KIRREL3: variants seen among roughly 807,000 people sequenced by gnomAD.
KIRREL3 encodes kin of IRRE-like protein 3.
In KIRREL3, 36 loss-of-function variants were observed where a neutral mutation model predicts 89.7. That is an observed-to-expected ratio of 0.40 (90% confidence interval 0.31 to 0.53). KIRREL3 has a LOEUF of 0.53. Among genes scored for constraint, KIRREL3 ranks in the 20% least tolerant of loss-of-function variants. KIRREL3 has a pLI of 0.49. For missense variants in KIRREL3, 864 were observed against 1,056.6 expected (o/e 0.82, Z 2.53); for synonymous variants, 445 against 441.4 (o/e 1.01, Z -0.10).
Position 126,912,790 on chromosome 11 carries a change from T to G in KIRREL3, c.55+87665A>C, listed in dbSNP as rs1592340253. Among the ~76,000 whole-genome samples the G allele has an allele frequency of 6.6e-6, 1 of 152,214 alleles. No homozygotes were observed. The highest frequency in any genetic ancestry group is 2.4e-5 in the African/African-American group (1 of 41,460). On this transcript the variant is annotated intron_variant, in intron 1 of 16. Transcript: ENST00000525144. This position sits in a 1 kb window ranked among gnomAD's most constrained non-coding sequence, Gnocchi z 4.7. ...ATTCCTGCTGGCATGGCAGGTGAAGTATAGCGAAGAGGAACTTGGCGTGAT... is the reference window on the plus strand; with the variant it reads ...ATTCCTGCTGGCATGGCAGGTGAAGGATAGCGAAGAGGAACTTGGCGTGAT...
chr11:126,640,743 G>C lies in KIRREL3; in HGVS notation c.56-77831C>G, dbSNP rs2134927400. Among the ~76,000 whole-genome samples the C allele has an allele frequency of 6.6e-6, 1 of 152,216 alleles. No homozygotes were observed. Among genetic ancestry groups the C allele is most frequent in the African/African-American group, 2.4e-5 (1 of 41,524 alleles). ...GAAGACTATGCCTAACTCTGTATGA[G>C]GGGTCGCTCAGAATGGAGGCATGCA... On this transcript the variant is annotated intron_variant, in intron 1 of 16. Coordinates refer to ENST00000525144, the MANE Select transcript of KIRREL3 (RefSeq NM_032531.4). This position sits in a 1 kb window ranked among gnomAD's most constrained non-coding sequence, Gnocchi z 4.9.
chr11:126,612,286 T>C lies in KIRREL3; in HGVS notation c.56-49374A>G, dbSNP rs666230. On this transcript the variant is annotated intron_variant, in intron 1 of 16. Coordinates refer to ENST00000525144, the MANE Select transcript of KIRREL3 (RefSeq NM_032531.4). The surrounding 1 kb of genome is among the most constrained non-coding windows in gnomAD (Gnocchi z 4.5). ...GTATTATATGGACACCCTTGGCATA[T>C]AATAAATGCTCCCTCAGAATTTGAG... Among the ~76,000 whole-genome samples, 1 of 150,386 alleles carries C rather than the reference T, an allele frequency of 6.6e-6. No homozygotes were observed. Among genetic ancestry groups the C allele is most frequent in the Non-Finnish European group, 1.5e-5 (1 of 67,504 alleles).
rs1949835546 is a variant in KIRREL3, at chr11:126,766,699, C to G, written c.56-203787G>C. ...CTTTGATAATCTCAATAGGCACTTA[C>G]AGAATTGACTTTTCTGCCTTGGCCT... On this transcript the variant is annotated intron_variant, in intron 1 of 16. Transcript: ENST00000525144. This position sits in a 1 kb window ranked among gnomAD's most constrained non-coding sequence, Gnocchi z 4.2. Among the ~76,000 whole-genome samples the G allele has an allele frequency of 6.6e-6, 1 of 152,170 alleles. No individual in the cohort carries two copies. The highest frequency in any genetic ancestry group is 1.5e-5 in the Non-Finnish European group (1 of 68,032).
intron 1 of KIRREL3, among the ~76,000 whole-genome samples, chr11:126,785,137 T>C (rs115383921): frequency 0.036 from 5,497 of 152,200 alleles, 315 homozygotes; most frequent in African/African-American, 0.12. Flanking sequence ...GGCAAGGGAA[T>C]GTGGCTGGTG....
chr11:126,930,294 T>C (rs1170700394), intron 1 of KIRREL3, among the ~76,000 whole-genome samples: 1 of 152,134 alleles, frequency 6.6e-6, no homozygotes, highest in African/African-American at 2.4e-5. Flanking sequence ...ACTTGGGAAG[T>C]TCATGAATGA....
rs1242054455 is a variant in KIRREL3 at position 126,677,081 on chromosome 11, T to C, written c.56-114169A>G. The stretch of plus-strand genomic sequence containing the variant: ...TTTTTTTTTAACAGCTGTATTGAGA[T>C]ACAGTTCACATATGGCCCACTTAAA... On this transcript the variant is annotated intron_variant, in intron 1 of 16. Transcript: ENST00000525144. This position sits in a 1 kb window ranked among gnomAD's most constrained non-coding sequence, Gnocchi z 5.1. Among the ~76,000 whole-genome samples, 2 of 152,054 alleles carry C rather than the reference T, an allele frequency of 1.3e-5. No homozygotes were observed. Among genetic ancestry groups the C allele is most frequent in the African/African-American group, 4.8e-5 (2 of 41,400 alleles).
chr11:126,611,125 G>A lies in KIRREL3; in HGVS notation c.56-48213C>T, dbSNP rs575380357. On this transcript the variant is annotated intron_variant, in intron 1 of 16. Coordinates refer to ENST00000525144, the MANE Select transcript of KIRREL3 (RefSeq NM_032531.4). The surrounding 1 kb of genome is among the most constrained non-coding windows in gnomAD (Gnocchi z 4.7). ...TCCTGAGCTGTGTGACTTTGGGGAAGTTCCTCAACTGAAGTCACAAAGACC... is the reference window on the plus strand; with the variant it reads ...TCCTGAGCTGTGTGACTTTGGGGAAATTCCTCAACTGAAGTCACAAAGACC... Among the ~76,000 whole-genome samples the A allele has an allele frequency of 3.3e-5, 5 of 152,308 alleles. No individual in the cohort carries two copies. In the South Asian group the frequency reaches 1.0e-3, roughly 32 times the overall value.
At position 126,946,998 on chromosome 11, in the gene KIRREL3, G is replaced by C. The variant is rs371132023; in HGVS notation, c.55+53457C>G. ...GCAGAAAGAACCAGAAATCTTATCC[G>C]CTAGGCTCTAGAACCCAAGTTCCTA... On this transcript the variant is annotated intron_variant, in intron 1 of 16. Transcript: ENST00000525144. The surrounding 1 kb of genome is among the most constrained non-coding windows in gnomAD (Gnocchi z 4.1). Among the ~76,000 whole-genome samples, 1 of 152,206 alleles carries C rather than the reference G, an allele frequency of 6.6e-6. No homozygotes were observed. The highest frequency in any genetic ancestry group is 1.9e-4 in the East Asian group (1 of 5,162).
intron 1 of KIRREL3, among the ~76,000 whole-genome samples, chr11:126,779,383 A>C (rs1950260138): frequency 6.6e-6 from 1 of 152,112 alleles, no homozygotes; most frequent in African/African-American, 2.4e-5. Flanking sequence ...CTCTCCCTGA[A>C]ACCTGTTGTC....
At chr11:126,536,139 T>C (rs1937849909) in intron 2 of KIRREL3, among the ~76,000 whole-genome samples, 1 of 152,186 alleles carries the variant, frequency 6.6e-6, no homozygotes, top group Non-Finnish European at 1.5e-5. Context: ...TTGAATGAAT[T>C]TTTCTTAGTT....
rs536978309 is a variant in KIRREL3 at position 126,796,399 on chromosome 11, C to T, written c.55+204056G>A. ...GGATCTCATTCTGCCCGTCCTGTCC[C>T]GCAGCATTGGGTGTGGAGGAAGGCT... is the stretch of plus-strand genomic sequence containing the variant. On this transcript the variant is annotated intron_variant, in intron 1 of 16. Transcript: ENST00000525144. The surrounding 1 kb of genome is among the most constrained non-coding windows in gnomAD (Gnocchi z 5.1). Among the ~76,000 whole-genome samples the T allele has an allele frequency of 5.3e-5, 8 of 152,236 alleles. No homozygotes were observed. Among genetic ancestry groups the T allele is most frequent in the South Asian group, 4.2e-4 (2 of 4,816 alleles).
chr11:126,972,824 A>T (rs543291584), intron 1 of KIRREL3, among the ~76,000 whole-genome samples: 5 of 152,168 alleles, frequency 3.3e-5, no homozygotes, highest in Non-Finnish European at 5.9e-5. Context: ...GTTATGGTGC[A>T]CCTAGCTAAA....
chr11:126,625,683 C>T (rs1021524244), intron 1 of KIRREL3, among the ~76,000 whole-genome samples: 1 of 152,168 alleles, frequency 6.6e-6, no homozygotes, highest in African/African-American at 2.4e-5. Flanking sequence ...CCACTTTATG[C>T]TCTTTGCCCC....
chr11:126,833,786 C>T lies in KIRREL3; in HGVS notation c.55+166669G>A, dbSNP rs532594459. Among the ~76,000 whole-genome samples, 3 of 152,292 alleles carry T rather than the reference C, an allele frequency of 2.0e-5. No individual in the cohort carries two copies. In the South Asian group the frequency reaches 6.2e-4, roughly 32 times the overall value. On this transcript the variant is annotated intron_variant, in intron 1 of 16. Coordinates refer to ENST00000525144, the MANE Select transcript of KIRREL3 (RefSeq NM_032531.4). ...ACATTGCCCATCTTCCTGAGGGTCA[C>T]ATTTCTCTTTGCTCATTGTTTTTGC...
intron 1 of KIRREL3, among the ~76,000 whole-genome samples, chr11:126,711,232 T>C (rs191713710): frequency 3.9e-4 from 59 of 152,382 alleles, no homozygotes; most frequent in Non-Finnish European, 1.9e-4. Flanking sequence ...ATCTCCATCC[T>C]GCCTGATGCG....
At chr11:126,650,422 C>G (rs1944865172) in intron 1 of KIRREL3, among the ~76,000 whole-genome samples, 1 of 152,118 alleles carries the variant, frequency 6.6e-6, no homozygotes, top group African/African-American at 2.4e-5. Flanking sequence ...CCTTTAATGG[C>G]ACCCAAGTCA....
rs1731306452 is a variant in KIRREL3 at position 126,606,960 on chromosome 11, T to G, written c.56-44048A>C. Reference sequence around the variant, plus strand: ...GCCAGGCAGTGCTTTCTAGCTGAAGTAAGCAGCTTTGGAACCTGCCTATCA... The same window carrying G: ...GCCAGGCAGTGCTTTCTAGCTGAAGGAAGCAGCTTTGGAACCTGCCTATCA... On this transcript the variant is annotated intron_variant, in intron 1 of 16. Coordinates refer to ENST00000525144, the MANE Select transcript of KIRREL3 (RefSeq NM_032531.4). This position sits in a 1 kb window ranked among gnomAD's most constrained non-coding sequence, Gnocchi z 4.6. Among the ~76,000 whole-genome samples the G allele has an allele frequency of 6.6e-6, 1 of 152,146 alleles. No homozygotes were observed. Among genetic ancestry groups the G allele is most frequent in the African/African-American group, 2.4e-5 (1 of 41,434 alleles).
At position 126,995,988 on chromosome 11, in the gene KIRREL3, T is replaced by C. The variant is rs1011545987; in HGVS notation, c.55+4467A>G. Reference sequence around the variant, plus strand: ...CTGTACACCCAAGAGGGGGACCCCATGGTATCCTCTTAGAGCAATGTGAAG... The same window carrying C: ...CTGTACACCCAAGAGGGGGACCCCACGGTATCCTCTTAGAGCAATGTGAAG... On this transcript the variant is annotated intron_variant, in intron 1 of 16. Coordinates refer to ENST00000525144, the MANE Select transcript of KIRREL3 (RefSeq NM_032531.4). This position sits in a 1 kb window ranked among gnomAD's most constrained non-coding sequence, Gnocchi z 6.5. Among the ~76,000 whole-genome samples, 1 of 152,216 alleles carries C rather than the reference T, an allele frequency of 6.6e-6. No individual in the cohort carries two copies. Among genetic ancestry groups the C allele is most frequent in the East Asian group, 1.9e-4 (1 of 5,160 alleles).
chr11:126,658,034 T>G (rs913623878), intron 1 of KIRREL3, among the ~76,000 whole-genome samples: 2 of 152,238 alleles, frequency 1.3e-5, no homozygotes, highest in African/African-American at 4.8e-5. Flanking sequence ...TCCCTTTGTG[T>G]CTGTCACAGC....
Sources: allele counts gnomAD v4.1 joint callset (sites outside exome capture counted in the v4.1 genomes callset), GRCh38; gene constraint gnomAD v4.1.1; non-coding constraint Gnocchi (gnomAD v3.1); transcripts MANE v1.5; gene names NCBI Gene and HGNC (gene_info 2026-07-23, HGNC 2026-07-21).